GSE1: variants seen among roughly 807,000 people sequenced by gnomAD.
The protein encoded by GSE1 is genetic suppressor element 1.
In GSE1, 32 loss-of-function variants were observed where a neutral mutation model predicts 112.6. The ratio of observed to expected loss-of-function variants is 0.28; its 90% CI spans 0.21 to 0.38. The LOEUF is 0.38. Among genes scored for constraint, GSE1 ranks in the 10% least tolerant of loss-of-function variants. The probability of loss-of-function intolerance (pLI) is 1.00; values close to 1 mark genes in which losing one functional copy is unlikely to be tolerated. For synonymous variants in GSE1, 1,115 were observed against 735.6 expected (o/e 1.52, Z -8.35); for missense variants, 2,348 against 1,699.2 (o/e 1.38, Z -6.71).
intron 1 of GSE1, among the ~76,000 whole-genome samples, chr16:85,322,164 A>G (rs2046121831): frequency 6.6e-6 from 1 of 152,198 alleles, no homozygotes. Flanking sequence ...TCCAAGTTCA[A>G]CATTCTGCCT....
intron 2 of GSE1, among the ~76,000 whole-genome samples, chr16:85,525,619 A>G (rs896642131): frequency 1.3e-5 from 2 of 152,212 alleles, no homozygotes; most frequent in Admixed American, 6.5e-5. Flanking sequence ...AACGTCACAG[A>G]GCCCAGACTA....
chr16:85,629,746 T>A (rs902351335), intron 1 of GSE1, among the ~76,000 whole-genome samples: 8 of 152,188 alleles, frequency 5.3e-5, no homozygotes, highest in African/African-American at 1.9e-4. Context: ...GGGACATGTT[T>A]TGGAGACTCT....
chr16:85,578,688 C>T (rs2046329807), intron 1 of GSE1, among the ~76,000 whole-genome samples: 1 of 152,154 alleles, frequency 6.6e-6, no homozygotes, highest in Non-Finnish European at 1.5e-5. Flanking sequence ...TGCTGGAAAC[C>T]CTCTTGAGAG....
intron 1 of GSE1, among the ~76,000 whole-genome samples, chr16:85,333,771 C>G (rs1217400381): frequency 6.6e-6 from 1 of 152,168 alleles, no homozygotes; most frequent in African/African-American, 2.4e-5. Flanking sequence ...CACCCGCCAT[C>G]TCTGCGTGGA....
intron 1 of GSE1, among the ~76,000 whole-genome samples, chr16:85,629,069 T>C (rs555064739): frequency 6.6e-6 from 1 of 152,306 alleles, no homozygotes; most frequent in Non-Finnish European, 1.5e-5. Flanking sequence ...TCCCCACTCT[T>C]GCTCCCTCTC....
rs562164587 is a variant in GSE1 at position 85,646,085 on chromosome 16, T to C, written c.227-2467T>C. 6.8e-4 allele frequency among the ~76,000 whole-genome samples: 90 copies of C among 131,734 alleles called. 6 individuals are homozygous for C. Among genetic ancestry groups the C allele is most frequent in the African/African-American group, 3.0e-3 (86 of 28,810 alleles). The allele number at this position is 131,734 out of a possible 152,430, so 86.4% of individuals were successfully genotyped here. A position where few individuals can be genotyped will look rare whatever the true frequency, so the allele number is the denominator to read the frequency against. On this transcript the variant is annotated intron_variant, in intron 2 of 15. Coordinates refer to ENST00000253458, the MANE Select transcript of GSE1 (RefSeq NM_014615.5). ...CCTATGCATGCATTCTACCTGCTTC[T>C]ACCACGCTTCCTATGCATGCATTCT...
upstream of GSE1, among the ~76,000 whole-genome samples, chr16:85,551,742 T>C (rs1034696472): frequency 6.6e-6 from 1 of 152,222 alleles, no homozygotes; most frequent in African/African-American, 2.4e-5. Context: ...CAAAGGAGGC[T>C]GGGCTATCGC....
At chr16:85,352,004 CAAAA>C (rs36069464) in intron 1 of GSE1, among the ~76,000 whole-genome samples, 1 of 151,602 alleles carries the variant, frequency 6.6e-6, no homozygotes, top group South Asian at 2.1e-4. Flanking sequence ...CAAAAACAAA[CAAAA>C]AAAAAACCCA....
chr16:85,575,170 A>AT (rs1567606455), intron 1 of GSE1, among the ~76,000 whole-genome samples: 1 of 152,190 alleles, frequency 6.6e-6, no homozygotes, highest in Non-Finnish European at 1.5e-5. Context: ...CACAGTTTGA[A>AT]GAAATACTGG....
rs144761156 is a variant in GSE1 at position 85,463,712 on chromosome 16, C to G, written c.2464+106069C>G. On this transcript the variant is annotated intron_variant, in intron 2 of 2. Coordinates refer to the GSE1 transcript ENST00000637419. ...GGGAGAACTCCTGGCATCAAGGCCT[C>G]GCATCACTGGCACAGTTAGGCAGCG... 3.9e-3 allele frequency among the ~76,000 whole-genome samples: 597 copies of G among 152,290 alleles called. 1 individual carries two copies. The highest frequency in any genetic ancestry group is 0.017 in the Middle Eastern group (5 of 294).
At chr16:85,221,876 C>A in intron 1 of GSE1, among the ~76,000 whole-genome samples, 1 of 152,292 alleles carries the variant, frequency 6.6e-6, no homozygotes, top group East Asian at 1.9e-4. Flanking sequence ...TCATGTTTTC[C>A]GCCTCTGATG....
intron 1 of GSE1, among the ~76,000 whole-genome samples, chr16:85,291,787 G>A (rs781359235): frequency 2.4e-4 from 37 of 152,204 alleles, no homozygotes; most frequent in Non-Finnish European, 5.1e-4. Flanking sequence ...GCCTCTCCGT[G>A]GGGCCCATAA....
chr16:85,463,114 T>C (rs2050020606), intron 2 of GSE1: 2 of 984,828 alleles, frequency 2.0e-6, no homozygotes, highest in Non-Finnish European at 1.2e-6. Context: ...TCGTCTCTGC[T>C]CCAGAACCTC....
intron 2 of GSE1, among the ~76,000 whole-genome samples, chr16:85,645,079 C>G (rs1459772264): frequency 6.6e-6 from 1 of 151,252 alleles, no homozygotes; most frequent in Non-Finnish European, 1.5e-5. Flanking sequence ...CCAGCGTTTC[C>G]CCTCCTCAGG....
intron 2 of GSE1, among the ~76,000 whole-genome samples, chr16:85,366,210 C>T (rs2047182260): frequency 6.6e-6 from 1 of 152,288 alleles, no homozygotes; most frequent in Admixed American, 6.5e-5. Flanking sequence ...AGTGCTTTGA[C>T]ACCAGGCGCT....
chr16:85,634,428 T>C (rs529763548), intron 2 of GSE1, among the ~76,000 whole-genome samples: 26 of 152,162 alleles, frequency 1.7e-4, no homozygotes, highest in Non-Finnish European at 3.4e-4. Context: ...TGTGACTTGA[T>C]TGGGAGGAGG....
chr16:85,648,910 C>A (rs1327315736), intron 3 of GSE1, among the ~76,000 whole-genome samples, 159 bp downstream of exon 3: 1 of 152,124 alleles, frequency 6.6e-6, no homozygotes, highest in South Asian at 2.1e-4. Context: ...GTGAGGGTGA[C>A]AGCGGCACCC....
intron 1 of GSE1, among the ~76,000 whole-genome samples, chr16:85,198,471 T>G (rs1199021488): frequency 6.6e-6 from 1 of 151,702 alleles, no homozygotes; most frequent in Admixed American, 6.6e-5. Flanking sequence ...GAGCTGACCT[T>G]GCGATGGGGG....
intron 1 of GSE1, among the ~76,000 whole-genome samples, chr16:85,218,035 G>T (rs575699686): frequency 5.0e-4 from 76 of 152,056 alleles, no homozygotes; most frequent in Non-Finnish European, 9.1e-4. Flanking sequence ...TGTGTAACTG[G>T]GACTACAGGC....
Sources: allele counts gnomAD v4.1 joint callset (sites outside exome capture counted in the v4.1 genomes callset), GRCh38; gene constraint gnomAD v4.1.1; transcripts MANE v1.5; gene names NCBI Gene and HGNC (gene_info 2026-07-23, HGNC 2026-07-21).